Variants in SLC25A26 observed in about 807,000 individuals in gnomAD.
The protein encoded by SLC25A26 is solute carrier family 25 member 26.
In SLC25A26, 36 loss-of-function variants were observed where a neutral mutation model predicts 37.8. The observed-to-expected ratio is 0.95, with a 90% CI of 0.73 to 1.26. The LOEUF is 1.26. Ranked by LOEUF, SLC25A26 falls within the 50% of genes most tolerant of loss-of-function variation. The pLI is 0.00. For synonymous variants in SLC25A26, 129 were observed against 122.5 expected (o/e 1.05, Z -0.35); for missense variants, 390 against 331.1 (o/e 1.18, Z -1.38).
intron 6 of SLC25A26, among the ~76,000 whole-genome samples, chr3:66,355,053 A>G (rs2076544642): frequency 6.6e-6 from 1 of 152,172 alleles, no homozygotes; most frequent in Admixed American, 6.5e-5. Context: ...TAGAAAGCTC[A>G]TAGAACCCCC....
At chr3:66,320,169 T>G (rs1196132296) in intron 5 of SLC25A26, among the ~76,000 whole-genome samples, 1 of 152,172 alleles carries the variant, frequency 6.6e-6, no homozygotes, top group Non-Finnish European at 1.5e-5. Flanking sequence ...ATAGCATTAA[T>G]TACATTCAGT....
chr3:66,236,088 T>G (rs138139628), intron 1 of SLC25A26, among the ~76,000 whole-genome samples: 2,424 of 152,210 alleles, frequency 0.016, 34 homozygotes, highest in Non-Finnish European at 0.028. Context: ...AATTTTTTAT[T>G]TTTTGTAGTG....
At chr3:66,368,578 G>T (rs1188531967) in intron 7 of SLC25A26, among the ~76,000 whole-genome samples, 1 of 152,216 alleles carries the variant, frequency 6.6e-6, no homozygotes, top group African/African-American at 2.4e-5. Context: ...TCAGGAGCCC[G>T]TGAAACACAA....
In SLC25A26 at chr3:66,271,267, C is replaced by T. The variant is rs544955259; in HGVS notation, c.453+7888C>T. ...AGAAAATTTGACTACAATGGTTTCA[C>T]CAAAAAAGTTTTCTGTTTTTCCCTT... On this transcript the variant is annotated intron_variant, in intron 5 of 9. Transcript: ENST00000354883. Among the ~76,000 whole-genome samples the T allele has an allele frequency of 3.3e-5, 5 of 152,188 alleles. No individual in the cohort carries two copies. In the South Asian group the frequency reaches 1.0e-3, roughly 32 times the overall value.
At chr3:66,282,718 T>C (rs998802752) in intron 5 of SLC25A26, among the ~76,000 whole-genome samples, 3 of 152,386 alleles carry the variant, frequency 2.0e-5, no homozygotes, top group Non-Finnish European at 2.9e-5. Context: ...AGAATTATAC[T>C]GTAAACTTCT....
At chr3:66,319,536 C>G (rs1313826476) in intron 5 of SLC25A26, among the ~76,000 whole-genome samples, 1 of 152,010 alleles carries the variant, frequency 6.6e-6, no homozygotes, top group African/African-American at 2.4e-5. Flanking sequence ...CCTTCCTTAT[C>G]TGTTATTAGT....
chr3:66,150,645 T>G (rs1215587695), intron 1 of SLC25A26, among the ~76,000 whole-genome samples: 6 of 92,214 alleles, frequency 6.5e-5, no homozygotes, highest in South Asian at 3.4e-4. Flanking sequence ...TATATATATA[T>G]ATATATATAT....
At chr3:66,220,692 C>A, upstream of SLC25A26, 1 of 277,516 alleles carries the variant, frequency 3.6e-6, no homozygotes, top group South Asian at 4.3e-5. Context: ...TTAGTACTAC[C>A]CCTCACGACT....
chr3:66,205,190 A>C (rs1339006341), intron 1 of SLC25A26, among the ~76,000 whole-genome samples: 2 of 152,234 alleles, frequency 1.3e-5, no homozygotes, highest in African/African-American at 4.8e-5. Flanking sequence ...GTACTATATT[A>C]ATTTCACACT....
chr3:66,279,824 A>T (rs914778692), intron 5 of SLC25A26, among the ~76,000 whole-genome samples: 1 of 152,214 alleles, frequency 6.6e-6, no homozygotes, highest in African/African-American at 2.4e-5. Flanking sequence ...TGATCCACGT[A>T]TTGTAAGTCT....
chr3:66,178,974 G>A (rs561798599), intron 1 of SLC25A26, among the ~76,000 whole-genome samples: 45 of 152,290 alleles, frequency 3.0e-4, no homozygotes, highest in Non-Finnish European at 5.7e-4. Flanking sequence ...TGGGGAGGCA[G>A]ACAGGAACAT....
chr3:66,354,852 C>T (rs1187921108), intron 6 of SLC25A26, among the ~76,000 whole-genome samples: 1 of 152,204 alleles, frequency 6.6e-6, no homozygotes, highest in African/African-American at 2.4e-5. Flanking sequence ...CACAAGGTCT[C>T]TCTCTGCCTG....
intron 5 of SLC25A26, among the ~76,000 whole-genome samples, chr3:66,278,615 C>T (rs775001912): frequency 7.9e-5 from 12 of 152,102 alleles, no homozygotes; most frequent in Admixed American, 6.6e-4. Flanking sequence ...AACCCTGTCT[C>T]ATCCTAGCAT....
intron 5 of SLC25A26, among the ~76,000 whole-genome samples, chr3:66,322,241 T>C (rs536011820): frequency 1.3e-5 from 2 of 152,330 alleles, no homozygotes; most frequent in African/African-American, 4.8e-5. Flanking sequence ...TTGTTATTAA[T>C]TCACTAGTTT....
intron 5 of SLC25A26, among the ~76,000 whole-genome samples, chr3:66,345,152 C>A (rs1024640556): frequency 1.3e-5 from 2 of 152,162 alleles, no homozygotes; most frequent in African/African-American, 4.8e-5. Context: ...ACCACTCATA[C>A]TTCATTACTA....
chr3:66,176,137 G>C (rs2070583172), intron 1 of SLC25A26, among the ~76,000 whole-genome samples: 1 of 152,140 alleles, frequency 6.6e-6, no homozygotes, highest in African/African-American at 2.4e-5. Context: ...TTTTAATCTT[G>C]AAATTGGTAC....
chr3:66,291,128 G>A (rs2074691012), intron 5 of SLC25A26, among the ~76,000 whole-genome samples: 1 of 152,140 alleles, frequency 6.6e-6, no homozygotes, highest in South Asian at 2.1e-4. Context: ...TTCTCTGATA[G>A]TAGTTTGTAT....
chr3:66,337,402 G>A (rs1051205678), intron 5 of SLC25A26, among the ~76,000 whole-genome samples: 7 of 152,036 alleles, frequency 4.6e-5, no homozygotes, highest in African/African-American at 1.7e-4. Flanking sequence ...AACAAAAGTT[G>A]TGTTTTATGA....
At chr3:66,279,296 G>GCTT (rs1409515443) in intron 5 of SLC25A26, among the ~76,000 whole-genome samples, 1 of 151,982 alleles carries the variant, frequency 6.6e-6, no homozygotes. Flanking sequence ...CTGTGTTTGG[G>GCTT]CTTCTATTCT....
Sources: allele counts gnomAD v4.1 joint callset (sites outside exome capture counted in the v4.1 genomes callset), GRCh38; gene constraint gnomAD v4.1.1; transcripts MANE v1.5; gene names NCBI Gene and HGNC (gene_info 2026-07-23, HGNC 2026-07-21).